Variants in SUMF1 observed in about 807,000 individuals in gnomAD.
The protein encoded by SUMF1 is sulfatase modifying factor 1, also known as formylglycine-generating enzyme.
Under a neutral mutation model 47.6 loss-of-function variants are expected in SUMF1, and 48 were observed. The ratio of observed to expected loss-of-function variants is 1.01; its 90% confidence interval spans 0.80 to 1.28. The LOEUF is 1.28. Among genes scored for constraint, SUMF1 ranks in the 50% most tolerant of loss-of-function variants. The pLI, the probability that SUMF1 is intolerant of heterozygous loss-of-function variation, is 0.00. For synonymous variants in SUMF1, 230 were observed against 192.1 expected, an observed-to-expected ratio of 1.20 and a Z score of -1.63; for missense variants, 571 against 485.4, an observed-to-expected ratio of 1.18 and a Z score of -1.66.
intron 9 of SUMF1, among the ~76,000 whole-genome samples, chr3:4,051,493 T>C (rs1489828972): frequency 1.3e-5 from 2 of 152,108 alleles, no homozygotes; most frequent in Non-Finnish European, 2.9e-5. Flanking sequence ...AATTAAATAT[T>C]ATTGTATTCC....
At chr3:4,150,731 T>G (rs944329933) in intron 8 of SUMF1, among the ~76,000 whole-genome samples, 1 of 151,598 alleles carries the variant, frequency 6.6e-6, no homozygotes, top group Non-Finnish European at 1.5e-5. Context: ...GATACCACTA[T>G]GAAAAGATGC....
At chr3:4,216,622 A>G (rs1039585184) in intron 8 of SUMF1, among the ~76,000 whole-genome samples, 1 of 152,166 alleles carries the variant, frequency 6.6e-6, no homozygotes, top group Non-Finnish European at 1.5e-5. Flanking sequence ...GAATGGGAGA[A>G]AAAAGGGCCA....
Position 4,290,618 on chromosome 3 carries a change from A to C in SUMF1, c.1014+85712T>G, listed in dbSNP as rs113873967. ...CATCTTCAAATACTACCCGCTCCTC[A>C]AAATACAGTTTAAATGTCCCCCTCA... On this transcript the variant is annotated intron_variant and NMD_transcript_variant, in intron 8 of 12. Coordinates refer to the SUMF1 transcript ENST00000448413. 2.6e-3 allele frequency among the ~76,000 whole-genome samples: 402 copies of C among 152,284 alleles called. 3 individuals carry two copies. Among genetic ancestry groups the C allele is most frequent in the African/African-American group, 8.9e-3 (370 of 41,554 alleles).
In SUMF1 at chr3:4,467,183, C is replaced by T. The variant is rs938489919; in HGVS notation, c.63G>A (p.Leu21=). The T allele has an allele frequency of 6.2e-7, 1 of 1,610,032 alleles. No individual in the cohort carries two copies. The highest frequency in any genetic ancestry group is 8.5e-7 in the Non-Finnish European group (1 of 1,178,754). ...GRCPELGLVL[L]LLLLSLLCGA... The stretch of plus-strand genomic sequence containing the variant: ...CACACAGCAGCGAGAGCAGCAGCAG[C>T]AAGAGGACGAGACCCAGCTCAGGGC... Residue 21 remains leucine (L), a synonymous_variant, in exon 1 of 9, where the codon TTG becomes TTA. Coordinates refer to ENST00000272902, the MANE Select transcript of SUMF1 (RefSeq NM_182760.4).
At chr3:4,034,646 A>G (rs1019015607) in intron 9 of SUMF1, among the ~76,000 whole-genome samples, 1 of 152,082 alleles carries the variant, frequency 6.6e-6, no homozygotes, top group African/African-American at 2.4e-5. Flanking sequence ...ATCCAGAGGT[A>G]AGTCAGGAGG....
intron 7 of SUMF1, among the ~76,000 whole-genome samples, chr3:4,409,711 G>A (rs944006239): frequency 7.2e-5 from 11 of 152,082 alleles, no homozygotes; most frequent in Non-Finnish European, 1.2e-4. Context: ...CACCAGCCCC[G>A]CTGGAAAGTA....
chr3:4,131,666 TG>T (rs1386495260), intron 8 of SUMF1, among the ~76,000 whole-genome samples: 1 of 152,128 alleles, frequency 6.6e-6, no homozygotes, highest in Non-Finnish European at 1.5e-5. Context: ...GAAACATGAT[TG>T]GAAAATTGGT....
intron 8 of SUMF1, among the ~76,000 whole-genome samples, chr3:4,271,753 T>C (rs975083071): frequency 6.6e-6 from 1 of 152,138 alleles, no homozygotes. Flanking sequence ...CCTCCTACCT[T>C]GGTCTCCCAA....
chr3:4,344,917 C>T (rs971314545), intron 8 of SUMF1, among the ~76,000 whole-genome samples: 4 of 151,520 alleles, frequency 2.6e-5, no homozygotes, highest in Non-Finnish European at 2.9e-5. Flanking sequence ...ATACAGCAAG[C>T]GGAAGAAAGG....
In SUMF1 at chr3:4,225,145, T is replaced by G. The variant is rs73806950; in HGVS notation, c.1014+151185A>C. On this transcript the variant is annotated intron_variant and NMD_transcript_variant, in intron 8 of 12. Transcript: ENST00000448413. ...AGGCCCTGAATCTGAGGATTCACCCTTGGGAGAAAAACATCTCCACCCACA... is the reference window on the plus strand; with the variant it reads ...AGGCCCTGAATCTGAGGATTCACCCGTGGGAGAAAAACATCTCCACCCACA... Among the ~76,000 whole-genome samples the G allele has an allele frequency of 7.9e-3, 1,200 of 152,224 alleles. 22 individuals are homozygous for G. Among genetic ancestry groups the G allele is most frequent in the African/African-American group, 0.028 (1,147 of 41,536 alleles).
At chr3:4,295,907 A>G (rs1437469259) in intron 8 of SUMF1, among the ~76,000 whole-genome samples, 1 of 152,234 alleles carries the variant, frequency 6.6e-6, no homozygotes, top group African/African-American at 2.4e-5. Context: ...TCATGAAACC[A>G]TAATGCAATG....
chr3:4,186,473 C>T (rs1018094871), intron 8 of SUMF1, among the ~76,000 whole-genome samples: 1 of 151,976 alleles, frequency 6.6e-6, no homozygotes, highest in Non-Finnish European at 1.5e-5. Context: ...ATATATGTTG[C>T]TTGGTAAGAA....
At chr3:4,166,768 G>T (rs369853699) in intron 8 of SUMF1, among the ~76,000 whole-genome samples, 76 of 152,026 alleles carry the variant, frequency 5.0e-4, no homozygotes, top group African/African-American at 1.7e-3. Context: ...ACTTTTTTTC[G>T]GGACCCGAGA....
intron 8 of SUMF1, among the ~76,000 whole-genome samples, chr3:4,227,320 G>A (rs1178937311): frequency 1.3e-5 from 2 of 152,030 alleles, no homozygotes; most frequent in African/African-American, 2.4e-5. Flanking sequence ...AGAATGGATC[G>A]CCACCCTGCA....
intron 8 of SUMF1, among the ~76,000 whole-genome samples, chr3:4,269,545 C>G (rs2125033951): frequency 6.6e-6 from 1 of 152,214 alleles, no homozygotes; most frequent in East Asian, 1.9e-4. Context: ...TGCCATATTC[C>G]AAATTACTTG....
chr3:4,060,439 T>C (rs990585518), intron 9 of SUMF1, among the ~76,000 whole-genome samples: 1 of 152,142 alleles, frequency 6.6e-6, no homozygotes, highest in Non-Finnish European at 1.5e-5. Context: ...AATGATAATA[T>C]AGGTTACAAA....
intron 8 of SUMF1, among the ~76,000 whole-genome samples, chr3:4,306,789 T>C (rs1285165793): frequency 6.6e-6 from 1 of 152,246 alleles, no homozygotes; most frequent in Non-Finnish European, 1.5e-5. Context: ...ACTTTCAAGA[T>C]AAAAATAACT....
intron 8 of SUMF1, among the ~76,000 whole-genome samples, chr3:4,183,043 C>G (rs984255740): frequency 6.6e-6 from 1 of 152,074 alleles, no homozygotes; most frequent in Non-Finnish European, 1.5e-5. Flanking sequence ...TATCGGCCAA[C>G]TGGGAATAAG....
At chr3:4,259,407 T>C (rs1452282876) in intron 8 of SUMF1, among the ~76,000 whole-genome samples, 6 of 152,210 alleles carry the variant, frequency 3.9e-5, no homozygotes, top group Non-Finnish European at 5.9e-5. Flanking sequence ...GGACAGCATT[T>C]AGGGAATCTG....
Sources: allele counts gnomAD v4.1 joint callset (sites outside exome capture counted in the v4.1 genomes callset), GRCh38; gene constraint gnomAD v4.1.1; transcripts MANE v1.5; gene names NCBI Gene and HGNC (gene_info 2026-07-23, HGNC 2026-07-21).